Variants in SEMA3A observed in about 807,000 individuals in gnomAD.
SEMA3A encodes semaphorin-3A.
Under a neutral mutation model 97.9 loss-of-function variants are expected in SEMA3A, and 29 were observed. That is an observed-to-expected ratio of 0.30 (90% confidence interval 0.22 to 0.40). The LOEUF is 0.40. SEMA3A is among the 10% of genes least tolerant of loss of function. The probability of loss-of-function intolerance (pLI) is 1.00; values close to 1 mark genes in which losing one functional copy is unlikely to be tolerated. For missense variants in SEMA3A, 763 were observed against 951.3 expected (o/e 0.80, Z 2.60); for synonymous variants, 321 against 323.7 (o/e 0.99, Z 0.09).
chr7:83,958,200 T>C lies in SEMA3A; in HGVS notation c.*3171A>G, dbSNP rs1788339805. 6.6e-6 allele frequency: 1 copy of C among 152,382 alleles called. No individual in the cohort carries two copies. Among genetic ancestry groups the C allele is most frequent in the Non-Finnish European group, 1.5e-5 (1 of 67,952 alleles). 9.4% of individuals were successfully genotyped at this position (152,382 alleles called of 1,614,324 possible). ...AAAATTCACATCATCACCATAAATA[T>C]AGAACCCAGTTTACAGATGACTACA... On this transcript the variant is annotated 3_prime_UTR_variant, in exon 17 of 17. Transcript: ENST00000265362.
At chr7:84,356,079 A>G (rs1292623145) in intron 2 of SEMA3A, among the ~76,000 whole-genome samples, 2 of 151,984 alleles carry the variant, frequency 1.3e-5, no homozygotes, top group Non-Finnish European at 2.9e-5. Context: ...TAGAGACTTC[A>G]TTTATCCATA....
intron 1 of SEMA3A, among the ~76,000 whole-genome samples, chr7:84,453,182 G>A (rs1805601902): frequency 1.3e-5 from 2 of 151,576 alleles, no homozygotes; most frequent in Admixed American, 1.3e-4. Flanking sequence ...AGTGACAAAC[G>A]TGGAAAGAGA....
At chr7:84,043,875 G>C (rs1357347878) in intron 6 of SEMA3A, among the ~76,000 whole-genome samples, 3 of 152,016 alleles carry the variant, frequency 2.0e-5, no homozygotes, top group African/African-American at 7.2e-5. Context: ...GACAATGCCT[G>C]TGTTTTCCCA....
chr7:84,345,802 G>A (rs898347022), intron 2 of SEMA3A, among the ~76,000 whole-genome samples: 8 of 152,140 alleles, frequency 5.3e-5, no homozygotes, highest in African/African-American at 1.7e-4. Context: ...AGTGATTCAT[G>A]AGGGTTGGCA....
intron 12 of SEMA3A, among the ~76,000 whole-genome samples, chr7:83,988,115 C>CCT (rs1789712715): frequency 6.6e-6 from 1 of 152,312 alleles, no homozygotes; most frequent in East Asian, 1.9e-4. Context: ...ACAGTCTTCT[C>CCT]ATCCTCCAGC....
At chr7:84,027,053 T>C (rs1287090759) in intron 6 of SEMA3A, among the ~76,000 whole-genome samples, 1 of 152,030 alleles carries the variant, frequency 6.6e-6, no homozygotes, top group African/African-American at 2.4e-5. Context: ...TACAAAAAAA[T>C]GGACCATTGC....
intron 3 of SEMA3A, among the ~76,000 whole-genome samples, chr7:84,260,365 G>A (rs1240848463): frequency 6.6e-6 from 1 of 152,112 alleles, no homozygotes; most frequent in African/African-American, 2.4e-5. Context: ...TTACTACATA[G>A]GTCCAGTGGG....
intron 1 of SEMA3A, among the ~76,000 whole-genome samples, chr7:84,163,285 ATGTG>A (rs1338851902): frequency 6.6e-6 from 1 of 152,122 alleles, no homozygotes; most frequent in African/African-American, 2.4e-5. Flanking sequence ...AGCGATATAT[ATGTG>A]TGTGTGAATG....
intron 1 of SEMA3A, among the ~76,000 whole-genome samples, chr7:84,424,118 G>C (rs1393766118): frequency 3.3e-5 from 5 of 151,250 alleles, no homozygotes; most frequent in Non-Finnish European, 7.4e-5. Flanking sequence ...ACCTACCATT[G>C]AATCCAGCAA....
chr7:84,160,224 TCTATCTATCTA>T (rs1270992483), intron 1 of SEMA3A, among the ~76,000 whole-genome samples: 1 of 180 alleles, frequency 5.6e-3, no homozygotes, highest in Non-Finnish European at 0.011. Context: ...TATCAATCTG[TCTATCTATCTA>T]TCTATCTATC....
chr7:84,146,180 A>G (rs1315165505), intron 1 of SEMA3A, among the ~76,000 whole-genome samples: 1 of 152,188 alleles, frequency 6.6e-6, no homozygotes, highest in Non-Finnish European at 1.5e-5. Context: ...GTATTAGAGT[A>G]CACACATTAG....
chr7:84,051,553 T>A (rs1371162443), intron 5 of SEMA3A, among the ~76,000 whole-genome samples: 11 of 152,218 alleles, frequency 7.2e-5, no homozygotes, highest in Non-Finnish European at 1.6e-4. Context: ...TTTCTGTACA[T>A]TGATTTTGTA....
intron 15 of SEMA3A, 65 bp downstream of exon 15, chr7:83,977,067 T>G: frequency 3.3e-6 from 3 of 907,914 alleles, no homozygotes; most frequent in Non-Finnish European, 5.0e-6. Flanking sequence ...TGCATATGCA[T>G]GAATATGCAT....
intron 2 of SEMA3A, among the ~76,000 whole-genome samples, chr7:84,131,013 A>G (rs1795947464): frequency 6.6e-6 from 1 of 152,052 alleles, no homozygotes; most frequent in Non-Finnish European, 1.5e-5. Context: ...TTATCTAAGT[A>G]AAATATTTAT....
intron 3 of SEMA3A, among the ~76,000 whole-genome samples, chr7:84,222,278 A>G (rs1326386724): frequency 6.6e-6 from 1 of 152,030 alleles, no homozygotes; most frequent in African/African-American, 2.4e-5. Context: ...AATTATAAAT[A>G]TCATGTCCTA....
intron 15 of SEMA3A, among the ~76,000 whole-genome samples, chr7:83,973,197 T>G (rs2116292132): frequency 6.6e-6 from 1 of 152,286 alleles, no homozygotes; most frequent in East Asian, 1.9e-4. Context: ...TCTTCATAAA[T>G]ACCACCTTGT....
At chr7:84,317,693 A>G (rs1337295365) in intron 2 of SEMA3A, among the ~76,000 whole-genome samples, 1 of 152,118 alleles carries the variant, frequency 6.6e-6, no homozygotes, top group Non-Finnish European at 1.5e-5. Flanking sequence ...CCTTGTCTCA[A>G]CATATTTCAT....
intron 3 of SEMA3A, among the ~76,000 whole-genome samples, chr7:84,221,389 T>C (rs894323929): frequency 6.6e-6 from 1 of 152,180 alleles, no homozygotes; most frequent in African/African-American, 2.4e-5. Flanking sequence ...AGTAGCACTT[T>C]TGAATTTGCT....
intron 3 of SEMA3A, among the ~76,000 whole-genome samples, chr7:84,115,820 C>G (rs1167488910): frequency 2.0e-5 from 3 of 152,128 alleles, no homozygotes; most frequent in African/African-American, 7.2e-5. Flanking sequence ...AAATGATATT[C>G]TGTGGTTTCC....
Sources: allele counts gnomAD v4.1 joint callset (sites outside exome capture counted in the v4.1 genomes callset), GRCh38; gene constraint gnomAD v4.1.1; transcripts MANE v1.5; gene names NCBI Gene and HGNC (gene_info 2026-07-23, HGNC 2026-07-21).